The following TSG101 variants were observed in gnomAD, a reference collection of about 807,000 sequenced individuals.
The protein encoded by TSG101 is tumor susceptibility gene 101 protein.
TSG101 carries 19 observed loss-of-function variants against 48.5 expected under a neutral mutation model. The observed-to-expected ratio is 0.39, with a 90% CI of 0.27 to 0.58. TSG101 has a LOEUF of 0.58. TSG101 is among the 20% of genes least tolerant of loss of function. The pLI, the probability that TSG101 is intolerant of heterozygous loss-of-function variation, is 0.55. For synonymous variants in TSG101, 174 were observed against 169.4 expected (o/e 1.03, Z -0.21); for missense variants, 365 against 484.4 (o/e 0.75, Z 2.31).
intron 6 of TSG101, among the ~76,000 whole-genome samples, chr11:18,506,548 G>T (rs188072488): frequency 6.6e-6 from 1 of 151,882 alleles, no homozygotes; most frequent in Non-Finnish European, 1.5e-5. Flanking sequence ...AAAATTAGCC[G>T]GGAATGGTGG....
At chr11:18,502,307 G>C (rs923962525) in intron 7 of TSG101, among the ~76,000 whole-genome samples, 179 bp downstream of exon 7, 1 of 152,254 alleles carries the variant, frequency 6.6e-6, no homozygotes, top group African/African-American at 2.4e-5. Flanking sequence ...TTCATGCCCT[G>C]GTAGAAGGTT....
chr11:18,499,402 A>ATATATATATATAATTT lies in TSG101; in HGVS notation c.640+3083_640+3084insAAATTATATATATATA. 3.7e-4 allele frequency among the ~76,000 whole-genome samples: 2 copies of ATATATATATATAATTT among 5,456 alleles called. 1 individual carries two copies. The highest frequency in any genetic ancestry group is 7.0e-4 in the Non-Finnish European group (2 of 2,870). The allele number at this position is 5,456 out of a possible 152,430, so 3.6% of individuals were successfully genotyped here. On this transcript the variant is annotated intron_variant, in intron 7 of 9. Coordinates refer to ENST00000251968, the MANE Select transcript of TSG101 (RefSeq NM_006292.4). The stretch of plus-strand genomic sequence containing the variant: ...TTTAAATATATATATATATATATAT[A>ATATATATATATAATTT]TTTTTTTTTTTTTTTTTTTTTTTCC...
intron 2 of TSG101, among the ~76,000 whole-genome samples, chr11:18,516,432 C>T: frequency 1.3e-5 from 2 of 151,838 alleles, no homozygotes; most frequent in East Asian, 3.9e-4. Flanking sequence ...GCAACCTCCA[C>T]CTCCTGGGTT....
At chr11:18,487,187 C>A (rs1290916889) in intron 7 of TSG101, among the ~76,000 whole-genome samples, 21 of 149,372 alleles carry the variant, frequency 1.4e-4, no homozygotes, top group African/African-American at 4.5e-4. Flanking sequence ...AGGTGCAGCA[C>A]AACAACATGG....
At chr11:18,514,948 G>A (rs1850147120) in intron 3 of TSG101, 107 bp from the exon 4 acceptor site, 8 of 1,005,082 alleles carry the variant, frequency 8.0e-6, no homozygotes, top group Non-Finnish European at 1.1e-5. Context: ...ACATATATCC[G>A]CATCCCCCCC....
intron 7 of TSG101, among the ~76,000 whole-genome samples, chr11:18,487,419 C>T (rs1489320943): frequency 6.6e-6 from 1 of 152,126 alleles, no homozygotes; most frequent in African/African-American, 2.4e-5. Flanking sequence ...TTTGGTCTCT[C>T]ACAACAAATT....
chr11:18,484,570 C>T (rs911868557), intron 7 of TSG101, among the ~76,000 whole-genome samples: 2 of 152,180 alleles, frequency 1.3e-5, no homozygotes, highest in Non-Finnish European at 2.9e-5. Context: ...CTCTGTAAGA[C>T]TTTTACTACT....
intron 1 of TSG101, among the ~76,000 whole-genome samples, chr11:18,524,391 C>A (rs1348856274): frequency 6.6e-6 from 1 of 152,084 alleles, no homozygotes; most frequent in Non-Finnish European, 1.5e-5. Context: ...GTGTGGAGAG[C>A]CTACAATCAG....
chr11:18,489,605 T>C (rs1259519678), intron 7 of TSG101, among the ~76,000 whole-genome samples: 2 of 152,194 alleles, frequency 1.3e-5, no homozygotes, highest in Non-Finnish European at 2.9e-5. Context: ...TTTCAAGGTG[T>C]CATAAGCCAG....
At chr11:18,515,361 C>T (rs923821870) in intron 3 of TSG101, among the ~76,000 whole-genome samples, 7 of 152,132 alleles carry the variant, frequency 4.6e-5, no homozygotes, top group African/African-American at 1.7e-4. Flanking sequence ...TATGTGAAAT[C>T]AATGGGTAAA....
intron 3 of TSG101, 28 bp from the exon 4 acceptor site, chr11:18,514,869 C>T (rs1236933068): frequency 4.0e-6 from 6 of 1,511,280 alleles, no homozygotes; most frequent in Non-Finnish European, 5.3e-6. Flanking sequence ...ACTTCAGTTA[C>T]TCTATTTTTA....
intron 7 of TSG101, among the ~76,000 whole-genome samples, chr11:18,488,237 TTTTG>T (rs1849648197): frequency 6.6e-6 from 1 of 152,200 alleles, no homozygotes; most frequent in African/African-American, 2.4e-5. Context: ...AAGGAGGGAT[TTTTG>T]TTTTTTTTCT....
At chr11:18,513,711 C>T (rs1850124178) in intron 4 of TSG101, among the ~76,000 whole-genome samples, 1 of 152,206 alleles carries the variant, frequency 6.6e-6, no homozygotes, top group African/African-American at 2.4e-5. Context: ...CTGCTAGAGA[C>T]TCTGCAGGTT....
At chr11:18,493,116 A>C (rs1849722541) in intron 7 of TSG101, among the ~76,000 whole-genome samples, 1 of 152,250 alleles carries the variant, frequency 6.6e-6, no homozygotes, top group Non-Finnish European at 1.5e-5. Flanking sequence ...AGATTTCAAA[A>C]GTGCCCTTCT....
At chr11:18,482,655 G>A (rs986164438) in intron 8 of TSG101, among the ~76,000 whole-genome samples, 16 of 152,206 alleles carry the variant, frequency 1.1e-4, no homozygotes, top group African/African-American at 3.9e-4. Flanking sequence ...TGTCTGTTAT[G>A]AGAAAGCTTA....
intron 6 of TSG101, 97 bp from the exon 7 acceptor site, chr11:18,502,674 T>G: frequency 1.2e-6 from 1 of 867,282 alleles, no homozygotes; most frequent in Non-Finnish European, 1.8e-6. Context: ...GACATATGGT[T>G]GTTTTACCAG....
Position 18,480,369 on chromosome 11 carries a change from T to C in TSG101, c.*177A>G. The C allele has an allele frequency of 2.1e-6, 1 of 481,904 alleles. No individual in the cohort carries two copies. 29.9% of individuals were successfully genotyped at this position (481,904 alleles called of 1,614,324 possible). ...TTCAGCACAAAAAGTTTACAGAGGATAGAAAGTGCATTAATAAAAGCCAGT... is the reference window on the plus strand; with the variant it reads ...TTCAGCACAAAAAGTTTACAGAGGACAGAAAGTGCATTAATAAAAGCCAGT... On this transcript the variant is annotated 3_prime_UTR_variant, in exon 10 of 10. Coordinates refer to ENST00000251968, the MANE Select transcript of TSG101 (RefSeq NM_006292.4).
rs1036848114 is a variant in TSG101 at position 18,514,854 on chromosome 11, T to C, written c.194-13A>G. ...TTGTATGTATTACCTGAAAAAGAAA[T>C]AGAAACTTCAGTTACTCTATTTTTA... On this transcript the variant is annotated splice_polypyrimidine_tract_variant and intron_variant, in intron 3 of 9. Coordinates refer to ENST00000251968, the MANE Select transcript of TSG101 (RefSeq NM_006292.4). 5 of 1,527,800 alleles carry C rather than the reference T, an allele frequency of 3.3e-6. No individual in the cohort carries two copies. Among genetic ancestry groups the C allele is most frequent in the Non-Finnish European group, 3.5e-6 (4 of 1,149,728 alleles). The allele number at this position is 1,527,800 out of a possible 1,614,324, so 94.6% of individuals were successfully genotyped here.
intron 7 of TSG101, among the ~76,000 whole-genome samples, chr11:18,485,918 A>C (rs1234468746): frequency 3.9e-5 from 6 of 152,238 alleles, no homozygotes; most frequent in Non-Finnish European, 7.3e-5. Flanking sequence ...GTCCCGGATG[A>C]AACCCCTGAC....
Sources: allele counts gnomAD v4.1 joint callset (sites outside exome capture counted in the v4.1 genomes callset), GRCh38; gene constraint gnomAD v4.1.1; transcripts MANE v1.5; gene names NCBI Gene and HGNC (gene_info 2026-07-23, HGNC 2026-07-21).